The following CNGB3 variants were observed in gnomAD, a reference collection of about 807,000 sequenced individuals.
The protein encoded by CNGB3 is cyclic nucleotide-gated channel beta-3.
In CNGB3, 86 loss-of-function variants were observed where a neutral mutation model predicts 92.8. The observed-to-expected ratio is 0.93, with a 90% CI of 0.78 to 1.11. The LOEUF is 1.11. Among genes scored for constraint, CNGB3 ranks in the 50% least tolerant of loss-of-function variants. The pLI is 0.00. For missense variants in CNGB3, 1,026 were observed against 956.8 expected (o/e 1.07, Z -0.95); for synonymous variants, 333 against 332.7 (o/e 1.00, Z -0.01).
chr8:86,629,036 A>G lies in CNGB3; in HGVS notation c.1363T>C (p.Phe455Leu), dbSNP rs1822908247. The G allele has an allele frequency of 6.2e-7, 1 of 1,613,964 alleles. No individual in the cohort carries two copies. ...IGAATANQNYFRACMDDTIAY... is the reference protein window; with the variant it reads ...IGAATANQNYLRACMDDTIAY... ...ATGGTGTCATCCATGCAGGCGCGGA[A>G]GTAGTTCTGATTGGCTGTAGCTGCT... The change falls in exon 12 of 18, where the codon TTC becomes CTC. Residue 455 changes from phenylalanine to leucine, a missense_variant. Physicochemically the swap from Phe to Leu is conservative, Grantham distance 22. Transcript: ENST00000320005.
At chr8:86,689,161 T>C (rs1044826704) in intron 3 of CNGB3, among the ~76,000 whole-genome samples, 3 of 152,008 alleles carry the variant, frequency 2.0e-5, no homozygotes, top group African/African-American at 7.2e-5. Context: ...TCATGTTTTT[T>C]TTTTCAATTT....
chr8:86,670,197 T>C (rs1482602621), intron 4 of CNGB3, among the ~76,000 whole-genome samples: 1 of 152,216 alleles, frequency 6.6e-6, no homozygotes, highest in Non-Finnish European at 1.5e-5. Context: ...TGGTTGATAA[T>C]AGTCCCTCCC....
At chr8:86,654,896 C>T (rs535447386) in intron 6 of CNGB3, among the ~76,000 whole-genome samples, 27 of 152,176 alleles carry the variant, frequency 1.8e-4, no homozygotes, top group African/African-American at 5.3e-4. Flanking sequence ...CAGAGATTAC[C>T]GTGCGGGTTG....
intron 15 of CNGB3, among the ~76,000 whole-genome samples, chr8:86,588,710 C>A (rs1821953026): frequency 6.7e-6 from 1 of 148,916 alleles, no homozygotes; most frequent in Non-Finnish European, 1.5e-5. Context: ...GGTGGATAAG[C>A]TTTTTGATGT....
intron 15 of CNGB3, among the ~76,000 whole-genome samples, chr8:86,593,004 T>G (rs1458227013): frequency 6.6e-6 from 1 of 152,216 alleles, no homozygotes; most frequent in African/African-American, 2.4e-5. Flanking sequence ...CTGCCTGGGA[T>G]TTTTGATCTT....
At chr8:86,659,783 C>A in intron 6 of CNGB3, 1 of 375,412 alleles carries the variant, frequency 2.7e-6, no homozygotes, top group South Asian at 2.2e-5. Context: ...TGGCTCCCTG[C>A]TTTCAGTTGC....
intron 14 of CNGB3, among the ~76,000 whole-genome samples, chr8:86,606,864 C>T (rs1171242993): frequency 6.6e-6 from 1 of 152,290 alleles, no homozygotes; most frequent in East Asian, 1.9e-4. Flanking sequence ...CTATATAATA[C>T]ATGAAGACAG....
intron 15 of CNGB3, among the ~76,000 whole-genome samples, 187 bp from the exon 16 acceptor site, chr8:86,579,439 A>AT (rs1282486734): frequency 1.3e-5 from 2 of 152,128 alleles, no homozygotes; most frequent in African/African-American, 4.8e-5. Context: ...TTTTCAATAT[A>AT]TTTTTTCTCT....
chr8:86,693,420 TTTA>T (rs1296493114), intron 3 of CNGB3, among the ~76,000 whole-genome samples: 22 of 53,158 alleles, frequency 4.1e-4, no homozygotes, highest in Admixed American at 3.1e-3. Context: ...TTCATTTTTT[TTTA>T]TTATTATTAT....
chr8:86,648,108 A>G (rs1248091656), intron 7 of CNGB3, among the ~76,000 whole-genome samples: 3 of 151,072 alleles, frequency 2.0e-5, no homozygotes, highest in Non-Finnish European at 4.5e-5. Flanking sequence ...TTCCACCTCC[A>G]TGCATCTGAT....
rs1822622393 is a variant in CNGB3 at position 86,616,331 on chromosome 8, A to G, written c.1579-4660T>C. Among the ~76,000 whole-genome samples, 5 of 152,186 alleles carry G rather than the reference A, an allele frequency of 3.3e-5. No homozygotes were observed. The South Asian group carries it at 1.0e-3, about 31-fold the overall frequency. On this transcript the variant is annotated intron_variant, in intron 13 of 17. Transcript: ENST00000320005. ...AATGATTACTTTATGAAAAGATGCC[A>G]CTAGCTTTGGGGCAGCTTTGGTTTA...
In CNGB3 at chr8:86,588,508, G is replaced by A. The variant is rs1344482703; in HGVS notation, c.1782-9256C>T. 1.2e-3 allele frequency among the ~76,000 whole-genome samples: 186 copies of A among 149,930 alleles called. 3 individuals carry two copies. In the South Asian group the frequency reaches 0.017, roughly 14 times the overall value. On this transcript the variant is annotated intron_variant, in intron 15 of 17. Transcript: ENST00000320005. ...GATAGCTCTTATTATTTTGAAATAT[G>A]TCCCATCAATACCTAATTTATTGAG...
intron 3 of CNGB3, among the ~76,000 whole-genome samples, chr8:86,712,344 T>G (rs1279423902): frequency 6.6e-6 from 1 of 152,156 alleles, no homozygotes; most frequent in Admixed American, 6.5e-5. Context: ...CTTCTGAATT[T>G]TGAATTTTAG....
chr8:86,684,033 G>A (rs530947671), intron 3 of CNGB3, among the ~76,000 whole-genome samples: 1 of 152,092 alleles, frequency 6.6e-6, no homozygotes, highest in Non-Finnish European at 1.5e-5. Flanking sequence ...ATATTGTCAT[G>A]TTAAAAGCAT....
At chr8:86,621,242 G>T (rs1393642358) in intron 13 of CNGB3, among the ~76,000 whole-genome samples, 3 of 152,160 alleles carry the variant, frequency 2.0e-5, no homozygotes, top group African/African-American at 7.2e-5. Flanking sequence ...CGTCATTCAG[G>T]TATAACGAGT....
At chr8:86,681,892 C>G (rs1000650955) in intron 3 of CNGB3, among the ~76,000 whole-genome samples, 1 of 152,168 alleles carries the variant, frequency 6.6e-6, no homozygotes, top group African/African-American at 2.4e-5. Flanking sequence ...TTGCTTTTCT[C>G]AGGAAGACTT....
At chr8:86,673,813 A>T (rs905919390) in intron 3 of CNGB3, among the ~76,000 whole-genome samples, 1 of 152,138 alleles carries the variant, frequency 6.6e-6, no homozygotes, top group African/African-American at 2.4e-5. Flanking sequence ...GTGTATCTTC[A>T]GTTTGAGGTG....
chr8:86,624,217 A>G (rs1184019999), intron 13 of CNGB3, among the ~76,000 whole-genome samples: 6 of 152,128 alleles, frequency 3.9e-5, no homozygotes, highest in Non-Finnish European at 7.4e-5. Context: ...TCAGGAGTTC[A>G]AGACCAGCCT....
At position 86,651,604 on chromosome 8, in the gene CNGB3, T is replaced by C. The variant is rs1823405064; in HGVS notation, c.903+2408A>G. On this transcript the variant is annotated intron_variant, in intron 7 of 17. Transcript: ENST00000320005. ...GTTTTTGGCTTAAATCATAACGATC[T>C]TTTTGCTTGCTTTCTATTCAATTCC... 2.0e-5 allele frequency among the ~76,000 whole-genome samples: 3 copies of C among 152,004 alleles called. No individual in the cohort carries two copies. The South Asian group carries it at 6.2e-4, about 32-fold the overall frequency.
Sources: gnomAD v4.1 joint callset for allele counts (sites outside exome capture counted in the v4.1 genomes callset) on GRCh38, gnomAD v4.1.1 for gene constraint, MANE v1.5 for transcripts, NCBI Gene and HGNC (gene_info 2026-07-23, HGNC 2026-07-21) for gene names.